The following LEPR variants were observed in gnomAD, a reference collection of about 807,000 sequenced individuals.
LEPR encodes OB receptor.
A neutral mutation model predicts 114.7 loss-of-function variants in LEPR; 56 were observed. That is an observed-to-expected ratio of 0.49 (90% CI 0.39 to 0.61). The LOEUF (loss-of-function observed/expected upper bound fraction) is 0.61, where lower values mean the gene tolerates loss of function less well. Among genes scored for constraint, LEPR ranks in the 20% least tolerant of loss-of-function variants. The pLI, the probability that LEPR is intolerant of heterozygous loss-of-function variation, is 0.00. For synonymous variants in LEPR, 443 were observed against 461.4 expected, an observed-to-expected ratio of 0.96 and a Z score of 0.51; for missense variants, 1,202 against 1,352.9, an observed-to-expected ratio of 0.89 and a Z score of 1.75.
chr1:65,531,062 C>T (rs1282702963), intron 2 of LEPR, among the ~76,000 whole-genome samples: 1 of 152,150 alleles, frequency 6.6e-6, no homozygotes, highest in Admixed American at 6.5e-5. Context: ...CTGGTTCACA[C>T]AGAGTAAAAA....
chr1:65,573,010 A>G (rs1654314379), intron 5 of LEPR, among the ~76,000 whole-genome samples: 1 of 152,166 alleles, frequency 6.6e-6, no homozygotes, highest in Non-Finnish European at 1.5e-5. Flanking sequence ...ATGTTGTGCC[A>G]TGCTGAGCCA....
At chr1:65,600,470 AGT>A (rs1313316506) in intron 8 of LEPR, among the ~76,000 whole-genome samples, 1 of 152,020 alleles carries the variant, frequency 6.6e-6, no homozygotes, top group Non-Finnish European at 1.5e-5. Context: ...AACCAATTAA[AGT>A]ATTTTTGTTT....
In LEPR at chr1:65,616,063, A is replaced by G; in HGVS notation, c.2051A>G (p.His684Arg). ...GTTCAGAGATATGTGATAAACCATC[A>G]TACTTCCTGCAATGGAACATGGTCA... ...CSVQRYVINH[H>R]TSCNGTWSED... Residue 684 changes from histidine to arginine, a missense_variant, in exon 15 of 20, where the codon CAT becomes CGT. Transcript: ENST00000349533. The G allele has an allele frequency of 6.2e-7, 1 of 1,614,198 alleles. No homozygotes were observed. The highest frequency in any genetic ancestry group is 1.1e-5 in the South Asian group (1 of 91,082).
intron 2 of LEPR, among the ~76,000 whole-genome samples, chr1:65,453,952 G>A (rs1469236186): frequency 1.3e-5 from 2 of 151,374 alleles, no homozygotes; most frequent in African/African-American, 4.9e-5. Flanking sequence ...CTTGCTTTAT[G>A]AATCTGGGTG....
chr1:65,457,804 C>A (rs941658211), intron 2 of LEPR, among the ~76,000 whole-genome samples: 4 of 152,138 alleles, frequency 2.6e-5, no homozygotes, highest in African/African-American at 9.7e-5. Flanking sequence ...AATTTCGAGA[C>A]AGGCTACAAC....
intron 2 of LEPR, among the ~76,000 whole-genome samples, chr1:65,496,196 T>A (rs918074685): frequency 6.6e-6 from 1 of 152,028 alleles, no homozygotes. Flanking sequence ...TGTCAATCAA[T>A]TTTTTTTAAA....
intron 2 of LEPR, among the ~76,000 whole-genome samples, chr1:65,484,726 C>G (rs1353626619): frequency 6.6e-6 from 1 of 152,104 alleles, no homozygotes; most frequent in Non-Finnish European, 1.5e-5. Context: ...GTTCCACACC[C>G]AAAGAGATCA....
intron 19 of LEPR, among the ~76,000 whole-genome samples, chr1:65,631,194 G>A (rs1214142410): frequency 1.3e-5 from 2 of 152,052 alleles, no homozygotes; most frequent in African/African-American, 4.8e-5. Context: ...TTCCTTAGTT[G>A]CTTTTGAGAA....
chr1:65,629,693 A>G (rs1450938852), intron 19 of LEPR, among the ~76,000 whole-genome samples: 3 of 142,178 alleles, frequency 2.1e-5, no homozygotes, highest in African/African-American at 7.9e-5. Flanking sequence ...CTTTCTTTTC[A>G]TGCTGTCTTT....
At chr1:65,553,874 T>C (rs1652612914) in intron 2 of LEPR, among the ~76,000 whole-genome samples, 1 of 152,172 alleles carries the variant, frequency 6.6e-6, no homozygotes, top group African/African-American at 2.4e-5. Context: ...GTTGGTGACC[T>C]TTGAATGGCG....
At chr1:65,520,122 C>G (rs182634880) in intron 2 of LEPR, among the ~76,000 whole-genome samples, 38 of 152,246 alleles carry the variant, frequency 2.5e-4, no homozygotes, top group African/African-American at 9.1e-4. Context: ...CTTGGCCTCC[C>G]AAAGTGCTGA....
chr1:65,633,331 T>G lies in LEPR; in HGVS notation c.2674-2860T>G. Reference sequence around the variant, plus strand: ...ATGGTGGATTATGTTGATTTAGAACTTAAAATAGATGTGTAAATTTGGGTT... The same window carrying G: ...ATGGTGGATTATGTTGATTTAGAACGTAAAATAGATGTGTAAATTTGGGTT... On this transcript the variant is annotated intron_variant, in intron 19 of 19. Transcript: ENST00000349533. This position sits in a 1 kb window ranked among gnomAD's most constrained non-coding sequence, Gnocchi z 4.1. 7.3e-7 allele frequency: 1 copy of G among 1,374,086 alleles called. No homozygotes were observed. 85.1% of individuals were successfully genotyped at this position (1,374,086 alleles called of 1,614,324 possible).
intron 4 of LEPR, among the ~76,000 whole-genome samples, chr1:65,571,747 A>C (rs1322727687): frequency 2.9e-5 from 4 of 138,032 alleles, no homozygotes; most frequent in African/African-American, 1.1e-4. Context: ...TGAGCTCAGG[A>C]GTTAGAGACC....
chr1:65,626,335 A>G (rs75537392), intron 19 of LEPR: 29,926 of 1,322,956 alleles, frequency 0.023, 1,253 homozygotes, highest in South Asian at 0.2. Flanking sequence ...GAATTTTTAT[A>G]ATACAGTGGG....
In LEPR at chr1:65,610,216, C is replaced by T. The variant is rs1226406493; in HGVS notation, c.1915C>T (p.Pro639Ser). ...AYTVVMDIKV[P>S]MRGPEFWRII... ...ATACACAACTTGTCATTTTGCAGTT[C>T]CTATGAGAGGACCTGAATTTTGGAG... is the stretch of plus-strand genomic sequence containing the variant. Residue 639 changes from proline to serine, a missense_variant and splice_region_variant, in exon 14 of 20, where the codon CCT becomes TCT. Pro to Ser is a moderately conservative substitution (Grantham distance 74, BLOSUM62 -1). Coordinates refer to ENST00000349533, the MANE Select transcript of LEPR (RefSeq NM_002303.6). 6.2e-7 allele frequency: 1 copy of T among 1,613,916 alleles called. No homozygotes were observed. Among genetic ancestry groups the T allele is most frequent in the South Asian group, 1.1e-5 (1 of 91,042 alleles).
rs1654075283 is a variant in LEPR at position 65,570,453 on chromosome 1, T to A, written c.41-20T>A. The A allele has an allele frequency of 3.1e-6, 5 of 1,609,124 alleles. No homozygotes were observed. Among genetic ancestry groups the A allele is most frequent in the Non-Finnish European group, 4.2e-6 (5 of 1,177,368 alleles). ...CAAAATGATTACTTTTTTCTATGTG[T>A]CTTTTTAATATCCTAACAGAATTTA... On this transcript the variant is annotated intron_variant, in intron 3 of 19. Transcript: ENST00000349533.
At chr1:65,515,116 G>A (rs1206809247) in intron 2 of LEPR, among the ~76,000 whole-genome samples, 1 of 152,198 alleles carries the variant, frequency 6.6e-6, no homozygotes, top group Admixed American at 6.5e-5. Flanking sequence ...GGTGGGTGAT[G>A]GTTGAGGGAG....
At chr1:65,596,696 T>C (rs1656088575) in intron 7 of LEPR, 103 bp downstream of exon 7, 3 of 1,021,080 alleles carry the variant, frequency 2.9e-6, no homozygotes, top group Non-Finnish European at 4.4e-6. Context: ...ATACATTTCT[T>C]CTAAAGCAGA....
At chr1:65,454,977 C>T (rs1000033733) in intron 2 of LEPR, among the ~76,000 whole-genome samples, 11 of 152,102 alleles carry the variant, frequency 7.2e-5, no homozygotes, top group Admixed American at 2.0e-4. Flanking sequence ...AGGCTTTGCT[C>T]GTTTCTTTTT....
Sources: allele counts gnomAD v4.1 joint callset (sites outside exome capture counted in the v4.1 genomes callset), GRCh38; gene constraint gnomAD v4.1.1; non-coding constraint Gnocchi (gnomAD v3.1); transcripts MANE v1.5; gene names NCBI Gene and HGNC (gene_info 2026-07-23, HGNC 2026-07-21).